MDM2: variants seen among roughly 807,000 people sequenced by gnomAD.
The protein encoded by MDM2 is E3 ubiquitin-protein ligase Mdm2.
A neutral mutation model predicts 64.3 loss-of-function variants in MDM2; 11 were observed. The observed-to-expected ratio is 0.17, with a 90% CI of 0.11 to 0.28. The LOEUF is 0.28. MDM2 is among the 10% of genes least tolerant of loss of function. The pLI, the probability that MDM2 is intolerant of heterozygous loss-of-function variation, is 1.00. For synonymous variants in MDM2, 194 were observed against 192.9 expected, an observed-to-expected ratio of 1.01 and a Z score of -0.05; for missense variants, 388 against 577.1, an observed-to-expected ratio of 0.67 and a Z score of 3.36.
chr12:68,832,922 C>T (rs183568196), intron 8 of MDM2, among the ~76,000 whole-genome samples: 6 of 150,632 alleles, frequency 4.0e-5, no homozygotes, highest in African/African-American at 7.3e-5. Flanking sequence ...GTCAGGAGAT[C>T]GAGACCATCC....
Position 68,841,815 on chromosome 12 carries a change from C to G in MDM2, c.*1966C>G. 4.8e-6 allele frequency: 1 copy of G among 207,198 alleles called. No homozygotes were observed. The highest frequency in any genetic ancestry group is 9.9e-6 in the Non-Finnish European group (1 of 101,474). The allele number at this position is 207,198 out of a possible 1,614,324, so 12.8% of individuals were successfully genotyped here. The stretch of plus-strand genomic sequence containing the variant: ...CTTTCTGAATTATTCAGAAATTATG[C>G]ATCATTTTCCTTCAAGAATGACAGG... On this transcript the variant is annotated 3_prime_UTR_variant, in exon 11 of 11. Coordinates refer to ENST00000258149, the MANE Select transcript of MDM2 (RefSeq NM_002392.6).
At chr12:68,836,955 C>CT (rs35125243) in intron 10 of MDM2, among the ~76,000 whole-genome samples, 47,665 of 136,694 alleles carry the variant, frequency 0.35, 9,031 homozygotes, top group Non-Finnish European at 0.45. Flanking sequence ...GGAATTTGAA[C>CT]TTTTTTTTTT....
intron 10 of MDM2, among the ~76,000 whole-genome samples, chr12:68,838,078 T>G (rs1234750178): frequency 6.6e-6 from 1 of 152,230 alleles, no homozygotes; most frequent in Non-Finnish European, 1.5e-5. Flanking sequence ...TTTGATGCAC[T>G]TTTACTCCCA....
intron 3 of MDM2, 133 bp downstream of exon 3, chr12:68,813,761 G>A (rs1001960322): frequency 1.4e-5 from 9 of 628,612 alleles, no homozygotes; most frequent in South Asian, 4.1e-5. Flanking sequence ...TTTTGTGGTC[G>A]TTTGGACTAT....
Position 68,845,510 on chromosome 12 carries a change from ATAG to A in MDM2, c.*5664_*5666del, listed in dbSNP as rs1331975781. On this transcript the variant is annotated 3_prime_UTR_variant, in exon 11 of 11. Transcript: ENST00000258149. ...TACTCAAATATTTAACGTTAGAGTAATAGTATTTTGAATGAAAACCATAGTTGA... is the reference window on the plus strand; with the variant it reads ...TACTCAAATATTTAACGTTAGAGTAATATTTTGAATGAAAACCATAGTTGA... The A allele has an allele frequency of 5.1e-6, 1 of 197,098 alleles. No individual in the cohort carries two copies. The highest frequency in any genetic ancestry group is 8.0e-5 in the East Asian group (1 of 12,532). 12.2% of individuals were successfully genotyped at this position (197,098 alleles called of 1,614,324 possible). A position where few individuals can be genotyped will look rare whatever the true frequency, so the allele number is the denominator to read the frequency against.
downstream of MDM2, chr12:68,848,619 T>A (rs1423609981): frequency 6.6e-6 from 1 of 152,176 alleles, no homozygotes; most frequent in East Asian, 1.9e-4. Flanking sequence ...TTAGAAAAAA[T>A]TGCTCCCTAC....
At chr12:68,836,637 G>A (rs773901901) in intron 9 of MDM2, 35 bp from the exon 10 acceptor site, 1 of 1,438,276 alleles carries the variant, frequency 7.0e-7, no homozygotes, top group Middle Eastern at 1.8e-4. Context: ...AGGAAATAGG[G>A]CGATGAATTG....
At chr12:68,849,141 C>T (rs1884528423), downstream of MDM2, 2 of 144,140 alleles carry the variant, frequency 1.4e-5, no homozygotes. Context: ...CCAGACTAGA[C>T]TGAAGTGGCG....
chr12:68,842,346 TATAAC>T lies in MDM2; in HGVS notation c.*2499_*2503del. The T allele has an allele frequency of 2.0e-6, 1 of 495,864 alleles. No homozygotes were observed. Among genetic ancestry groups the T allele is most frequent in the Non-Finnish European group, 4.0e-6 (1 of 250,686 alleles). 30.7% of individuals were successfully genotyped at this position (495,864 alleles called of 1,614,324 possible). ...GGAACGCAGCTGGAAGAAAAGATGATATAACAGTTAACAGGATGCAGACATGGCAG... is the reference window on the plus strand; with the variant it reads ...GGAACGCAGCTGGAAGAAAAGATGATAGTTAACAGGATGCAGACATGGCAG... On this transcript the variant is annotated 3_prime_UTR_variant, in exon 11 of 11. Coordinates refer to ENST00000258149, the MANE Select transcript of MDM2 (RefSeq NM_002392.6).
intron 9 of MDM2, 22 bp from the exon 10 acceptor site, chr12:68,836,650 G>A (rs964297896): frequency 1.3e-6 from 2 of 1,525,120 alleles, no homozygotes; most frequent in Non-Finnish European, 1.8e-6. Flanking sequence ...ATGAATTGAT[G>A]CTAATGAATG....
rs1299820935 is a variant in MDM2, at chr12:68,840,177, C to G, written c.*328C>G. ...TTATTTTTTTTGAGACCGAGTCTTG[C>G]TCTGTTACCCAGGCTGGAGTGCAGT... On this transcript the variant is annotated 3_prime_UTR_variant, in exon 11 of 11. Transcript: ENST00000258149. 4 of 249,090 alleles carry G rather than the reference C, an allele frequency of 1.6e-5. No homozygotes were observed. Among genetic ancestry groups the G allele is most frequent in the Non-Finnish European group, 3.1e-5 (4 of 129,016 alleles). 15.4% of individuals were successfully genotyped at this position (249,090 alleles called of 1,614,324 possible).
chr12:68,821,745 A>AAACAT (rs377427043), intron 5 of MDM2, among the ~76,000 whole-genome samples: 1 of 151,866 alleles, frequency 6.6e-6, no homozygotes, highest in Non-Finnish European at 1.5e-5. Context: ...AAACAAAACA[A>AAACAT]AAAAACACCT....
chr12:68,839,555 T>C lies in MDM2; in HGVS notation c.1200T>C (p.Tyr400=), dbSNP rs1193618491. The C allele has an allele frequency of 6.2e-7, 1 of 1,613,902 alleles. No homozygotes were observed. Among genetic ancestry groups the C allele is most frequent in the Non-Finnish European group, 8.5e-7 (1 of 1,180,018 alleles). The part of the protein sequence containing the change: ...QASQSQESED[Y]SQPSTSSSII... ...CACAATCACAAGAAAGTGAAGACTATTCTCAGCCATCAACTTCTAGTAGCA... is the reference window on the plus strand; with the variant it reads ...CACAATCACAAGAAAGTGAAGACTACTCTCAGCCATCAACTTCTAGTAGCA... The change falls in exon 11 of 11, where the codon TAT becomes TAC. Residue 400 remains tyrosine, a synonymous_variant. Coordinates refer to ENST00000258149, the MANE Select transcript of MDM2 (RefSeq NM_002392.6).
Position 68,824,358 on chromosome 12 carries a change from C to T in MDM2, c.359-5C>T. The T allele has an allele frequency of 6.3e-7, 1 of 1,587,122 alleles. No homozygotes were observed. Among genetic ancestry groups the T allele is most frequent in the Non-Finnish European group, 8.6e-7 (1 of 1,162,726 alleles). ...AAGTTTCTGATCCTTTTTCTTTTCT[C>T]TCAGAATCATCGGACTCAGGTACAT... On this transcript the variant is annotated splice_region_variant and splice_polypyrimidine_tract_variant and intron_variant, in intron 5 of 10. Coordinates refer to ENST00000258149, the MANE Select transcript of MDM2 (RefSeq NM_002392.6).
chr12:68,836,488 T>C (rs1883317070), intron 9 of MDM2, 184 bp from the exon 10 acceptor site: 1 of 491,790 alleles, frequency 2.0e-6, no homozygotes, highest in Admixed American at 3.5e-5. Flanking sequence ...CTTTTACCAT[T>C]GTGGGTAAGG....
downstream of MDM2, chr12:68,846,832 GAC>G (rs983354778): frequency 1.3e-5 from 2 of 151,806 alleles, no homozygotes; most frequent in African/African-American, 2.4e-5. Context: ...TGACCTTAGA[GAC>G]AATAAATCTA....
intron 8 of MDM2, among the ~76,000 whole-genome samples, chr12:68,834,122 A>G (rs115722191): frequency 6.6e-6 from 1 of 152,158 alleles, no homozygotes; most frequent in Admixed American, 6.6e-5. Flanking sequence ...CTCCTTTTCT[A>G]GATGAAGTAG....
rs1162809255 is a variant in MDM2 at position 68,844,975 on chromosome 12, C to T, written c.*5126C>T. The T allele has an allele frequency of 4.7e-5, 9 of 193,140 alleles. No homozygotes were observed. The highest frequency in any genetic ancestry group is 9.7e-5 in the Non-Finnish European group (9 of 92,548). 12.0% of individuals were successfully genotyped at this position (193,140 alleles called of 1,614,324 possible). On this transcript the variant is annotated 3_prime_UTR_variant, in exon 11 of 11. Coordinates refer to ENST00000258149, the MANE Select transcript of MDM2 (RefSeq NM_002392.6). ...CAGAGATGAAGTTTCACTATGTTGGCCAGGCTGGGCTCAAACTCCTGACCT... is the reference window on the plus strand; with the variant it reads ...CAGAGATGAAGTTTCACTATGTTGGTCAGGCTGGGCTCAAACTCCTGACCT...
Position 68,844,025 on chromosome 12 carries a change from T to C in MDM2, c.*4176T>C, listed in dbSNP as rs1280276972. 1 of 207,212 alleles carries C rather than the reference T, an allele frequency of 4.8e-6. No individual in the cohort carries two copies. The highest frequency in any genetic ancestry group is 9.8e-6 in the Non-Finnish European group (1 of 101,744). 12.8% of individuals were successfully genotyped at this position (207,212 alleles called of 1,614,324 possible). A position where few individuals can be genotyped will look rare whatever the true frequency, so the allele number is the denominator to read the frequency against. ...AGGAGTATCGGTAGCATAAATGTGA[T>C]TATAAACATAGTACACTTGATATAT... is the stretch of plus-strand genomic sequence containing the variant. On this transcript the variant is annotated 3_prime_UTR_variant, in exon 11 of 11. Coordinates refer to ENST00000258149, the MANE Select transcript of MDM2 (RefSeq NM_002392.6).
Sources: gnomAD v4.1 joint callset for allele counts (sites outside exome capture counted in the v4.1 genomes callset) on GRCh38, gnomAD v4.1.1 for gene constraint, MANE v1.5 for transcripts, NCBI Gene and HGNC (gene_info 2026-07-23, HGNC 2026-07-21) for gene names.